EDA: variants seen among roughly 807,000 people sequenced by gnomAD.
EDA encodes the protein ectodysplasin-A.
Under a neutral mutation model 23.6 loss-of-function variants are expected in EDA, and 2 were observed. The ratio of observed to expected loss-of-function variants is 0.08; its 90% CI spans 0.03 to 0.27. EDA has a LOEUF of 0.27. EDA is among the 10% of genes least tolerant of loss of function. The pLI, the probability that EDA is intolerant of heterozygous loss-of-function variation, is 1.00. For missense variants in EDA, 229 were observed against 324.2 expected (o/e 0.71, Z 2.26); for synonymous variants, 131 against 132.0 (o/e 0.99, Z 0.05).
At chrX:69,641,797 A>G (rs1052813784) in intron 1 of EDA, among the ~76,000 whole-genome samples, 4 of 111,750 alleles carry the variant, frequency 3.6e-5, no homozygotes, top group Non-Finnish European at 5.6e-5. Flanking sequence ...CATTCTATTT[A>G]GACTATGAGA....
At chrX:69,987,299 A>AT (rs2019511375) in intron 2 of EDA, among the ~76,000 whole-genome samples, 4 of 93,287 alleles carry the variant, frequency 4.3e-5, no homozygotes, top group African/African-American at 1.5e-4. Context: ...TAAAAAAAAA[A>AT]ATTTTTTTTT....
chrX:69,617,011 C>G, intron 1 of EDA: 1 of 424,440 alleles, frequency 2.4e-6, no homozygotes, highest in Non-Finnish European at 4.2e-6. Flanking sequence ...GCGCTGCCCC[C>G]CGGCCGACTA....
intron 1 of EDA, among the ~76,000 whole-genome samples, chrX:69,656,642 C>T (rs200488702): frequency 1.3e-4 from 14 of 111,254 alleles, no homozygotes; most frequent in East Asian, 8.5e-4. Flanking sequence ...TCAACCCCTG[C>T]GCTCCTCCCT....
chrX:70,029,431 C>T (rs2020168100), intron 4 of EDA, 73 bp from the exon 5 acceptor site: 5 of 1,119,369 alleles, frequency 4.5e-6, no homozygotes, highest in Non-Finnish European at 6.2e-6. Flanking sequence ...GGCTCACCAC[C>T]ACTAGCTGCT....
At chrX:69,671,789 G>A (rs1933904854) in intron 1 of EDA, among the ~76,000 whole-genome samples, 1 of 112,114 alleles carries the variant, frequency 8.9e-6, no homozygotes, top group African/African-American at 3.2e-5. Context: ...TTTATTCATT[G>A]TTTTGTTTTT....
intron 1 of EDA, among the ~76,000 whole-genome samples, chrX:69,718,365 G>C (rs184653264): frequency 1.8e-5 from 2 of 109,843 alleles, no homozygotes; most frequent in African/African-American, 6.6e-5. Context: ...AACTATTCTT[G>C]CCTTGTTCCT....
intron 1 of EDA, among the ~76,000 whole-genome samples, chrX:69,956,303 C>CTTTCT (rs1569384642): frequency 1.7e-5 from 1 of 59,695 alleles, no homozygotes; most frequent in Non-Finnish European, 3.5e-5. Flanking sequence ...TTCTTTCTTT[C>CTTTCT]TTTCTTTCTC....
At chrX:69,851,462 G>A (rs1489363479) in intron 1 of EDA, among the ~76,000 whole-genome samples, 1 of 112,297 alleles carries the variant, frequency 8.9e-6, no homozygotes, top group Non-Finnish European at 1.9e-5. Context: ...TATAACTTAT[G>A]CCAACAATGC....
intron 1 of EDA, among the ~76,000 whole-genome samples, chrX:69,658,784 G>A (rs1933397491): frequency 9.0e-6 from 1 of 111,702 alleles, no homozygotes; most frequent in Non-Finnish European, 1.9e-5. Flanking sequence ...TTCTTCAGTT[G>A]ATTCTAGTAT....
At chrX:69,751,330 G>A (rs1254255034) in intron 1 of EDA, among the ~76,000 whole-genome samples, 3 of 111,964 alleles carry the variant, frequency 2.7e-5, no homozygotes, top group African/African-American at 9.8e-5. Flanking sequence ...AGATCAGATG[G>A]TTGTAGATGT....
In EDA at chrX:69,719,667, C is replaced by A. The variant is rs538979268; in HGVS notation, c.396+102963C>A. ...GCCTCCAGTTCCATCCAAGTTGCTG[C>A]AAAAGACATTATTTTGTTCTTCTTT... On this transcript the variant is annotated intron_variant, in intron 1 of 7. Coordinates refer to ENST00000374552, the MANE Select transcript of EDA (RefSeq NM_001399.5). 1.6e-4 allele frequency among the ~76,000 whole-genome samples: 18 copies of A among 110,229 alleles called. No homozygotes were observed. The South Asian group carries it at 5.1e-3, about 31-fold the overall frequency.
intron 1 of EDA, among the ~76,000 whole-genome samples, chrX:69,831,085 T>G (rs1674510141): frequency 8.9e-6 from 1 of 111,788 alleles, no homozygotes. Context: ...ATTATTAAAC[T>G]TTAAGTTCTA....
In EDA at chrX:69,664,777, G is replaced by A. The variant is rs1027773491; in HGVS notation, c.396+48073G>A. 6.3e-5 allele frequency among the ~76,000 whole-genome samples: 7 copies of A among 111,636 alleles called. 1 individual carries two copies. Among genetic ancestry groups the A allele is most frequent in the South Asian group, 7.4e-4 (2 of 2,687 alleles). ...TGGCTATTGTGAACAATGCTGCAGC[G>A]AACATGAGAGTGCAGATATCTTTAT... On this transcript the variant is annotated intron_variant, in intron 1 of 7. Transcript: ENST00000374552.
chrX:69,888,978 T>TAGATAGATATATATATATATATA (rs1556026049), intron 1 of EDA, among the ~76,000 whole-genome samples: 16 of 16,013 alleles, frequency 1.0e-3, no homozygotes, highest in South Asian at 5.6e-3. Flanking sequence ...TGTGGGGTAG[T>TAGATAGATATATATATATATATA]TATATATATA....
intron 1 of EDA, among the ~76,000 whole-genome samples, chrX:69,832,055 G>C (rs1325199566): frequency 3.6e-5 from 4 of 111,675 alleles, no homozygotes; most frequent in Non-Finnish European, 5.6e-5. Context: ...GATCCCAGTT[G>C]TCAATTTTGG....
At chrX:70,015,984 C>A (rs1484747485) in intron 2 of EDA, among the ~76,000 whole-genome samples, 1 of 108,705 alleles carries the variant, frequency 9.2e-6, no homozygotes, top group Non-Finnish European at 1.9e-5. Flanking sequence ...ATCTCACATA[C>A]AGTGACACTC....
At chrX:69,775,308 C>T (rs1296505260) in intron 1 of EDA, among the ~76,000 whole-genome samples, 2 of 111,564 alleles carry the variant, frequency 1.8e-5, no homozygotes, top group African/African-American at 6.5e-5. Flanking sequence ...TCCTTTTAAT[C>T]TGTTTTCATA....
At chrX:69,851,723 G>T (rs948458152) in intron 1 of EDA, among the ~76,000 whole-genome samples, 6 of 111,857 alleles carry the variant, frequency 5.4e-5, no homozygotes, top group African/African-American at 1.9e-4. Context: ...TGGAAATGAA[G>T]GCAGAGAATG....
At chrX:69,714,697 A>G (rs987495400) in intron 1 of EDA, among the ~76,000 whole-genome samples, 1 of 111,457 alleles carries the variant, frequency 9.0e-6, no homozygotes, top group South Asian at 3.7e-4. Context: ...AGTCATGCAT[A>G]TTTATATGAA....
Sources: gnomAD v4.1 joint callset for allele counts (sites outside exome capture counted in the v4.1 genomes callset) on GRCh38, gnomAD v4.1.1 for gene constraint, MANE v1.5 for transcripts, NCBI Gene and HGNC (gene_info 2026-07-23, HGNC 2026-07-21) for gene names.